The following BOD1L1 variants were observed in gnomAD, a reference collection of about 807,000 sequenced individuals.
The protein encoded by BOD1L1 is biorientation of chromosomes in cell division 1 like 1.
In BOD1L1, 86 loss-of-function variants were observed where a neutral mutation model predicts 240.7. The ratio of observed to expected loss-of-function variants is 0.36; its 90% CI spans 0.30 to 0.43. BOD1L1 has a LOEUF of 0.43. BOD1L1 is among the 20% of genes least tolerant of loss of function. BOD1L1 has a pLI of 1.00. For missense variants in BOD1L1, 3,554 were observed against 3,643.5 expected (o/e 0.98, Z 0.63); for synonymous variants, 1,268 against 1,272.3 (o/e 1.00, Z 0.07).
At chr4:13,612,982 A>G (rs1249085707) in intron 5 of BOD1L1, among the ~76,000 whole-genome samples, 1 of 152,192 alleles carries the variant, frequency 6.6e-6, no homozygotes, top group Non-Finnish European at 1.5e-5. Context: ...GAACAATTGG[A>G]AGTAACTGTC....
Position 13,577,011 on chromosome 4 carries a change from A to G in BOD1L1, c.8885-20T>C, listed in dbSNP as rs768128955. ...AGGATTCTGTTCAAATAGAAGGGTA[A>G]CACCTGGATTTTACAATTCCCAAAG... On this transcript the variant is annotated intron_variant, in intron 24 of 25. Transcript: ENST00000040738. 3 of 1,610,446 alleles carry G rather than the reference A, an allele frequency of 1.9e-6. No individual in the cohort carries two copies. In the South Asian group the frequency reaches 3.3e-5, roughly 18 times the overall value.
In BOD1L1 at chr4:13,615,484, A is replaced by G. The variant is rs765709752; in HGVS notation, c.387T>C (p.Ser129=). 6.2e-7 allele frequency: 1 copy of G among 1,606,504 alleles called. No individual in the cohort carries two copies. Among genetic ancestry groups the G allele is most frequent in the Admixed American group, 1.7e-5 (1 of 58,480 alleles). The part of the protein sequence containing the change: ...QQVLKSGMLE[S]GIDRIISQVV... ...CCTGAGAAATAATTCGGTCAATACC[A>G]GACTCCAACATTCCTGATCTGAAAC... The change falls in exon 3 of 26, where the codon TCT becomes TCC. Residue 129 remains serine, a synonymous_variant. Coordinates refer to ENST00000040738, the MANE Select transcript of BOD1L1 (RefSeq NM_148894.3).
chr4:13,582,145 T>C, intron 19 of BOD1L1, 92 bp downstream of exon 19: 2 of 1,074,594 alleles, frequency 1.9e-6, no homozygotes, highest in Admixed American at 2.5e-5. Context: ...TCAAAGTACT[T>C]AAGAAAAACT....
intron 25 of BOD1L1, among the ~76,000 whole-genome samples, chr4:13,575,078 C>A (rs1208192020): frequency 1.3e-5 from 2 of 152,002 alleles, no homozygotes; most frequent in African/African-American, 2.4e-5. Context: ...TGCCACCACA[C>A]CCAGCTAATT....
At chr4:13,580,032 T>C in intron 21 of BOD1L1, 59 bp from the exon 22 acceptor site, 1 of 1,211,226 alleles carries the variant, frequency 8.3e-7, no homozygotes, top group Non-Finnish European at 1.2e-6. Context: ...AATCATCACA[T>C]AGAAATGCAA....
At chr4:13,579,863 T>C (rs1577314470) in intron 22 of BOD1L1, 65 bp downstream of exon 22, 3 of 1,357,164 alleles carry the variant, frequency 2.2e-6, no homozygotes, top group South Asian at 2.7e-5. Context: ...CCAAACCTTC[T>C]CCAACAGCCA....
In BOD1L1 at chr4:13,602,210, T is replaced by C; in HGVS notation, c.4690A>G (p.Ile1564Val). ...TTATTTCTGGAATGTGTTCCTATTA[T>C]GAGGCCTTCATCTGCCTCAATGCTG... ...CTSIEADEGL[I>V]IGTHSRNNPL... The change falls in exon 10 of 26, where the codon ATA (isoleucine) becomes GTA (valine). Residue 1564 changes from isoleucine (I) to valine (V), a missense_variant. Transcript: ENST00000040738. 1.2e-6 allele frequency: 2 copies of C among 1,613,772 alleles called. No individual in the cohort carries two copies. The highest frequency in any genetic ancestry group is 1.7e-6 in the Non-Finnish European group (2 of 1,179,742).
Position 13,599,746 on chromosome 4 carries a change from C to A in BOD1L1, c.7154G>T (p.Arg2385Leu). ...MPSLIAENNC[R>L]CPGPVRGGKE... is the part of the protein sequence containing the mutation. ...GCCTCCCCTGACTGGCCCAGGACAC[C>A]GACAGTTATTCTCAGCAATTAGGCT... The change falls in exon 10 of 26, where the codon CGG (arginine) becomes CTG (leucine). Residue 2385 changes from arginine to leucine, a missense_variant. By Grantham distance (102) the Arg-to-Leu change is moderately radical. This residue lies in a region of BOD1L1 where 3,393 missense variants were observed against 3,427.1 expected (regional missense o/e 0.99). Coordinates refer to ENST00000040738, the MANE Select transcript of BOD1L1 (RefSeq NM_148894.3). 1 of 1,613,950 alleles carries A rather than the reference C, an allele frequency of 6.2e-7. No homozygotes were observed. Among genetic ancestry groups the A allele is most frequent in the Non-Finnish European group, 8.5e-7 (1 of 1,179,892 alleles).
intron 2 of BOD1L1, among the ~76,000 whole-genome samples, chr4:13,616,510 T>G (rs1716606224): frequency 6.6e-6 from 1 of 152,226 alleles, no homozygotes; most frequent in African/African-American, 2.4e-5. Flanking sequence ...GTGAATTTAT[T>G]TTAAGAAACA....
At chr4:13,625,075 G>A (rs1467778737) in intron 1 of BOD1L1, 1 of 152,180 alleles carries the variant, frequency 6.6e-6, no homozygotes, top group East Asian at 1.9e-4. Context: ...AAGAAGGGTT[G>A]ATCATCAATT....
At chr4:13,588,096 G>A (rs1209294964) in intron 15 of BOD1L1, among the ~76,000 whole-genome samples, 1 of 151,244 alleles carries the variant, frequency 6.6e-6, no homozygotes, top group East Asian at 1.9e-4. Context: ...GCTGAGGCAG[G>A]AGAATGGCGT....
Position 13,603,038 on chromosome 4 carries a change from T to G in BOD1L1, c.3862A>C (p.Thr1288Pro). ...TACGATTCCCTCAGAGGCACAACAG[T>G]CACTGAACTTAAGGATGGTGAGGAG... ...LDSSPSLSSV[T>P]VVPLRESYDP... The change falls in exon 10 of 26, where the codon ACT becomes CCT. Residue 1288 changes from threonine (T) to proline (P), a missense_variant. By Grantham distance (38) the Thr-to-Pro change is conservative. Around this residue, in one of 2 missense-constraint regions of BOD1L1, gnomAD observed 3,393 missense variants for 3,427.1 expected, o/e 0.99. Coordinates refer to ENST00000040738, the MANE Select transcript of BOD1L1 (RefSeq NM_148894.3). 6.2e-7 allele frequency: 1 copy of G among 1,613,978 alleles called. No homozygotes were observed. Among genetic ancestry groups the G allele is most frequent in the South Asian group, 1.1e-5 (1 of 91,080 alleles).
rs1715280219 is a variant in BOD1L1 at position 13,602,472 on chromosome 4, C to G, written c.4428G>C (p.Arg1476Ser). The change falls in exon 10 of 26, where the codon AGG becomes AGC. Residue 1476 changes from arginine (R) to serine (S), a missense_variant. By Grantham distance (110) the Arg-to-Ser change is moderately radical. Coordinates refer to ENST00000040738, the MANE Select transcript of BOD1L1 (RefSeq NM_148894.3). ...TGGTGTCTACCTCACTGTTTTCATT[C>G]CTTCTTTCAACATCAATTGATATGT... is the stretch of plus-strand genomic sequence containing the variant. ...VKDISIDVERRNENSEVDTSA... is the reference protein window; with the variant it reads ...VKDISIDVERSNENSEVDTSA... 6.2e-7 allele frequency: 1 copy of G among 1,613,834 alleles called. No individual in the cohort carries two copies. The highest frequency in any genetic ancestry group is 8.5e-7 in the Non-Finnish European group (1 of 1,179,886).
intron 17 of BOD1L1, among the ~76,000 whole-genome samples, chr4:13,584,754 C>A (rs994764366): frequency 6.6e-6 from 1 of 151,768 alleles, no homozygotes; most frequent in East Asian, 1.9e-4. Context: ...AATTTTTTCA[C>A]GTATTCAATT....
intron 2 of BOD1L1, among the ~76,000 whole-genome samples, chr4:13,619,061 G>A (rs866793756): frequency 6.6e-6 from 1 of 152,104 alleles, no homozygotes; most frequent in Non-Finnish European, 1.5e-5. Context: ...GGTGGCCCAT[G>A]CCTATAATCC....
chr4:13,617,242 CA>C (rs35905517), intron 2 of BOD1L1, among the ~76,000 whole-genome samples: 18,270 of 115,928 alleles, frequency 0.16, 1,029 homozygotes, highest in Middle Eastern at 0.25. Context: ...AACTCCGTCT[CA>C]AAAAAAAAAA....
chr4:13,602,878 C>A lies in BOD1L1; in HGVS notation c.4022G>T (p.Ser1341Ile). ...TVRESEVLKT[S>I]DSKEGGEGFT... ...ACCTTCACCACCTTCTTTGCTGTCA[C>A]TTGTCTTAAGGACTTCTGATTCCCT... Residue 1341 changes from serine to isoleucine, a missense_variant, in exon 10 of 26, where the codon AGT becomes ATT. Ser to Ile is a moderately radical substitution (Grantham distance 142). Transcript: ENST00000040738. 6.2e-7 allele frequency: 1 copy of A among 1,614,024 alleles called. No homozygotes were observed. The highest frequency in any genetic ancestry group is 8.5e-7 in the Non-Finnish European group (1 of 1,179,888).
rs561910697 is a variant in BOD1L1 at position 13,627,233 on chromosome 4, T to C, written c.243+112A>G. 2.4e-5 allele frequency: 11 copies of C among 465,776 alleles called. No individual in the cohort carries two copies. The South Asian group carries it at 5.7e-4, about 24-fold the overall frequency. 28.9% of individuals were successfully genotyped at this position (465,776 alleles called of 1,614,324 possible). ...GCTAAGGAATGAACACTCTGTGCTT[T>C]GCACAGTCCGTGGCACACAGCTGCA... On this transcript the variant is annotated intron_variant, in intron 1 of 25. Coordinates refer to ENST00000040738, the MANE Select transcript of BOD1L1 (RefSeq NM_148894.3).
At chr4:13,596,749 C>T (rs1577339541) in intron 11 of BOD1L1, among the ~76,000 whole-genome samples, 2 of 152,134 alleles carry the variant, frequency 1.3e-5, no homozygotes, top group South Asian at 4.1e-4. Context: ...GGAGAGGCTA[C>T]TGAAGTAGTG....
Sources: allele counts gnomAD v4.1 joint callset (sites outside exome capture counted in the v4.1 genomes callset), GRCh38; gene constraint gnomAD v4.1.1; regional missense constraint gnomAD v4.1.1; transcripts MANE v1.5; gene names NCBI Gene and HGNC (gene_info 2026-07-23, HGNC 2026-07-21).